The following STAT3 variants were observed in gnomAD, a reference collection of about 807,000 sequenced individuals.
The protein encoded by STAT3 is signal transducer and activator of transcription 3.
A neutral mutation model predicts 114.3 loss-of-function variants in STAT3; 7 were observed. The observed-to-expected ratio is 0.06, with a 90% confidence interval of 0.03 to 0.11. The LOEUF (loss-of-function observed/expected upper bound fraction) is 0.11, where lower values mean the gene tolerates loss of function less well. Among genes scored for constraint, STAT3 ranks in the 10% least tolerant of loss-of-function variants. The probability of loss-of-function intolerance (pLI) is 1.00; values close to 1 mark genes in which losing one functional copy is unlikely to be tolerated. For missense variants in STAT3, 364 were observed against 960.9 expected, an observed-to-expected ratio of 0.38 and a Z score of 8.21; for synonymous variants, 331 against 354.5, an observed-to-expected ratio of 0.93 and a Z score of 0.74.
At chr17:42,343,429 G>C in intron 4 of STAT3, among the ~76,000 whole-genome samples, 1 of 136,890 alleles carries the variant, frequency 7.3e-6, no homozygotes, top group Admixed American at 7.4e-5. Context: ...CATACATTTA[G>C]TTTTACTACT....
chr17:42,359,287 A>G (rs887006920), intron 1 of STAT3, among the ~76,000 whole-genome samples: 1 of 152,164 alleles, frequency 6.6e-6, no homozygotes, highest in Non-Finnish European at 1.5e-5. Flanking sequence ...AAGCAGGTTA[A>G]TCCATCAGAT....
intron 23 of STAT3, 137 bp downstream of exon 23, chr17:42,316,652 C>A: frequency 1.3e-6 from 2 of 1,541,698 alleles, no homozygotes; most frequent in Non-Finnish European, 8.7e-7. Flanking sequence ...GGCATTCATA[C>A]CATCTCTTTT....
intron 10 of STAT3, 35 bp from the exon 11 acceptor site, chr17:42,331,566 C>T (rs1201124513): frequency 1.3e-6 from 2 of 1,530,546 alleles, no homozygotes; most frequent in Non-Finnish European, 1.8e-6. Context: ...GAAAAAAAGT[C>T]AGTAACTCTC....
chr17:42,374,786 C>G (rs1428351146), intron 1 of STAT3, among the ~76,000 whole-genome samples: 1 of 152,146 alleles, frequency 6.6e-6, no homozygotes, highest in African/African-American at 2.4e-5. Flanking sequence ...CACATGGATG[C>G]AAACTTGGAA....
In STAT3 at chr17:42,325,285, G is replaced by A. The variant is rs898510971; in HGVS notation, c.1366-224C>T. The stretch of plus-strand genomic sequence containing the variant: ...ACTCAGGCTGCAGTCGGAATATACC[G>A]GTCCCTTGTAAAACCTGACTTGCTC... On this transcript the variant is annotated intron_variant, in intron 15 of 23. Transcript: ENST00000264657. 3.0e-5 allele frequency: 16 copies of A among 529,358 alleles called. 1 individual carries two copies. The highest frequency in any genetic ancestry group is 3.8e-5 in the African/African-American group (2 of 52,472). The allele number at this position is 529,358 out of a possible 1,614,324, so 32.8% of individuals were successfully genotyped here.
chr17:42,317,099 T>C, intron 22 of STAT3, 83 bp downstream of exon 22: 2 of 1,603,104 alleles, frequency 1.2e-6, no homozygotes, highest in Non-Finnish European at 1.7e-6. Flanking sequence ...CTTTGGCAGA[T>C]TAACTCTCAC....
chr17:42,384,588 T>C (rs1445480765), intron 1 of STAT3, among the ~76,000 whole-genome samples: 1 of 151,008 alleles, frequency 6.6e-6, no homozygotes. Context: ...AGGGTCTCAC[T>C]CTGTCACCCA....
rs552939181 is a variant in STAT3, at chr17:42,345,670, G to A, written c.274-13C>T. The stretch of plus-strand genomic sequence containing the variant: ...CAAGATACCTGCTCTATAAGTAGGA[G>A]AGAAAGAGAATAAAAATCAGCAGCA... On this transcript the variant is annotated splice_polypyrimidine_tract_variant and intron_variant, in intron 3 of 23. Coordinates refer to ENST00000264657, the MANE Select transcript of STAT3 (RefSeq NM_139276.3). 5.0e-6 allele frequency: 8 copies of A among 1,585,830 alleles called. No homozygotes were observed. The highest frequency in any genetic ancestry group is 1.7e-4 in the Middle Eastern group (1 of 5,826).
Position 42,388,218 on chromosome 17 carries a change from C to T in STAT3, c.-24+61G>A, listed in dbSNP as rs2085220299. 4 of 1,230,676 alleles carry T rather than the reference C, an allele frequency of 3.3e-6. No individual in the cohort carries two copies. In the South Asian group the frequency reaches 1.2e-4, roughly 38 times the overall value. The allele number at this position is 1,230,676 out of a possible 1,614,324, so 76.2% of individuals were successfully genotyped here. ...TCCCCAAGGTCCCAGAGGCCCCCTGCCGCTGCGGAGCCCCCGGGTCCCCAG... is the reference window on the plus strand; with the variant it reads ...TCCCCAAGGTCCCAGAGGCCCCCTGTCGCTGCGGAGCCCCCGGGTCCCCAG... On this transcript the variant is annotated intron_variant, in intron 1 of 23. Transcript: ENST00000264657.
chr17:42,358,293 G>A (rs759708996), intron 1 of STAT3, among the ~76,000 whole-genome samples: 4 of 151,976 alleles, frequency 2.6e-5, no homozygotes, highest in Non-Finnish European at 5.9e-5. Context: ...GGTGGCCCAT[G>A]CTTGTAGTCC....
At chr17:42,345,003 C>T (rs1307771982) in intron 4 of STAT3, among the ~76,000 whole-genome samples, 2 of 151,792 alleles carry the variant, frequency 1.3e-5, no homozygotes, top group African/African-American at 4.8e-5. Context: ...CAGTGGCTCA[C>T]GCCTGTAATC....
intron 8 of STAT3, among the ~76,000 whole-genome samples, chr17:42,336,252 G>GTCC (rs756456404): frequency 1.2e-4 from 19 of 152,154 alleles, no homozygotes; most frequent in Non-Finnish European, 2.4e-4. Flanking sequence ...AAGGGTTGCA[G>GTCC]TAAGATATGC....
At chr17:42,371,446 G>A (rs954902495) in intron 1 of STAT3, among the ~76,000 whole-genome samples, 2 of 151,444 alleles carry the variant, frequency 1.3e-5, no homozygotes, top group Non-Finnish European at 1.5e-5. Flanking sequence ...TGAGGCAGGC[G>A]GATCACCTGA....
chr17:42,335,845 A>G (rs2082208000), intron 8 of STAT3, among the ~76,000 whole-genome samples: 1 of 152,138 alleles, frequency 6.6e-6, no homozygotes, highest in Admixed American at 6.5e-5. Flanking sequence ...CCTGGGTGAC[A>G]GAGTGAGACT....
At chr17:42,316,938 G>C (rs1415846731) in intron 22 of STAT3, 37 bp from the exon 23 acceptor site, 4 of 1,598,726 alleles carry the variant, frequency 2.5e-6, no homozygotes, top group Admixed American at 1.7e-5. Flanking sequence ...GGGAAACGGG[G>C]GGTTGACAAG....
intron 4 of STAT3, among the ~76,000 whole-genome samples, chr17:42,343,179 A>AC (rs1427006709): frequency 2.0e-5 from 3 of 151,524 alleles, no homozygotes; most frequent in African/African-American, 4.8e-5. Flanking sequence ...CAAAAAAAAA[A>AC]AAAAAAAACA....
At chr17:42,387,115 T>TA (rs760985802) in intron 1 of STAT3, 1 of 152,244 alleles carries the variant, frequency 6.6e-6, no homozygotes, top group Non-Finnish European at 1.5e-5. Flanking sequence ...ACAGACTATG[T>TA]AAACCTTTAG....
intron 2 of STAT3, 42 bp from the exon 3 acceptor site, chr17:42,346,755 C>A (rs780679026): frequency 4.3e-6 from 7 of 1,613,454 alleles, no homozygotes; most frequent in African/African-American, 1.3e-5. Context: ...CTGAAGCCGA[C>A]GCATACACAC....
chr17:42,323,109 G>T lies in STAT3; in HGVS notation c.1783C>A (p.Arg595=), dbSNP rs149791519. 6.2e-7 allele frequency: 1 copy of T among 1,614,144 alleles called. No individual in the cohort carries two copies. Among genetic ancestry groups the T allele is most frequent in the Admixed American group, 1.7e-5 (1 of 60,014 alleles). ...GGAGGCTTAGTGCTCAAGATGGCCC[G>T]CTCCCGCTCCTTACTGATAAAGCCC... ...IMGFISKERE[R]AILSTKPPGT... The change falls in exon 20 of 24, where the codon CGG becomes AGG. Residue 595 remains arginine, a synonymous_variant. Transcript: ENST00000264657.
Sources: allele counts gnomAD v4.1 joint callset (sites outside exome capture counted in the v4.1 genomes callset), GRCh38; gene constraint gnomAD v4.1.1; transcripts MANE v1.5; gene names NCBI Gene and HGNC (gene_info 2026-07-23, HGNC 2026-07-21).